The following MPDZ variants were observed in gnomAD, a reference collection of about 807,000 sequenced individuals.
The protein encoded by MPDZ is multiple PDZ domain crumbs cell polarity complex component, also known as multiple PDZ domain protein.
In MPDZ, 234 loss-of-function variants were observed where a neutral mutation model predicts 239.1. That is an observed-to-expected ratio of 0.98 (90% CI 0.88 to 1.09). MPDZ has a LOEUF of 1.09. MPDZ is among the 50% of genes least tolerant of loss of function. The probability of loss-of-function intolerance (pLI) is 0.00; values close to 1 mark genes in which losing one functional copy is unlikely to be tolerated. For missense variants in MPDZ, 3,175 were observed against 2,510.0 expected (o/e 1.26, Z -5.66); for synonymous variants, 1,048 against 881.3 (o/e 1.19, Z -3.35).
chr9:13,226,882 C>T (rs1020815551), intron 3 of MPDZ, among the ~76,000 whole-genome samples: 2 of 152,136 alleles, frequency 1.3e-5, no homozygotes, highest in Non-Finnish European at 2.9e-5. Flanking sequence ...AAGGATCTAA[C>T]TCTGATCCAA....
chr9:13,139,170 A>G (rs1200685255), intron 28 of MPDZ, among the ~76,000 whole-genome samples: 1 of 152,178 alleles, frequency 6.6e-6, no homozygotes, highest in Non-Finnish European at 1.5e-5. Flanking sequence ...TCAATTTCAT[A>G]AACTATTTCC....
Position 13,230,480 on chromosome 9 carries a change from T to C in MPDZ, c.184-5897A>G, listed in dbSNP as rs200176792. On this transcript the variant is annotated intron_variant, in intron 3 of 46. Transcript: ENST00000319217. ...AATATTAATATATGCAACTTCAAGA[T>C]ATCAAGGGCATTATGCTGCATGAAG... 4.6e-5 allele frequency among the ~76,000 whole-genome samples: 7 copies of C among 152,242 alleles called. No individual in the cohort carries two copies. The East Asian group carries it at 1.4e-3, about 29-fold the overall frequency.
Position 13,139,972 on chromosome 9 carries a change from A to C in MPDZ, c.4003+15T>G. 6.2e-7 allele frequency: 1 copy of C among 1,613,252 alleles called. No homozygotes were observed. The highest frequency in any genetic ancestry group is 8.5e-7 in the Non-Finnish European group (1 of 1,179,398). On this transcript the variant is annotated intron_variant, in intron 28 of 46. Coordinates refer to ENST00000319217, the MANE Select transcript of MPDZ (RefSeq NM_001378778.1). ...TACCTCTTACAATTAAATGCATCAC[A>C]AAAACACAACTTACTCCAGCTGTAA...
At chr9:13,116,706 A>G (rs1308195935) in intron 39 of MPDZ, among the ~76,000 whole-genome samples, 1 of 152,200 alleles carries the variant, frequency 6.6e-6, no homozygotes, top group Non-Finnish European at 1.5e-5. Flanking sequence ...TCAAATATCA[A>G]GGGTTTTGAT....
At chr9:13,184,476 T>C (rs371888501) in intron 18 of MPDZ, among the ~76,000 whole-genome samples, 1 of 151,958 alleles carries the variant, frequency 6.6e-6, no homozygotes, top group Non-Finnish European at 1.5e-5. Flanking sequence ...ATTATAACAT[T>C]ATATCAGGTC....
chr9:13,150,685 C>T lies in MPDZ; in HGVS notation c.3456G>A (p.Val1152=), dbSNP rs1949048516. The part of the protein sequence containing the change: ...AYSNWNQPRR[V]ELWREPSKSL... Reference sequence around the variant, plus strand: ...ATTTGCTTGGTTCTCTCCAGAGTTCCACCCTAAAAAATAAATAAAATTTTC... The same window carrying T: ...ATTTGCTTGGTTCTCTCCAGAGTTCTACCCTAAAAAATAAATAAAATTTTC... The change falls in exon 25 of 47, where the codon GTG becomes GTA. Residue 1152 remains valine (V), a synonymous_variant. Transcript: ENST00000319217. 2 of 1,345,262 alleles carry T rather than the reference C, an allele frequency of 1.5e-6. No individual in the cohort carries two copies. Among genetic ancestry groups the T allele is most frequent in the Non-Finnish European group, 1.9e-6 (2 of 1,039,686 alleles). 83.3% of individuals were successfully genotyped at this position (1,345,262 alleles called of 1,614,324 possible).
chr9:13,237,651 A>G (rs1189515276), intron 3 of MPDZ, among the ~76,000 whole-genome samples: 2 of 152,064 alleles, frequency 1.3e-5, no homozygotes, highest in African/African-American at 2.4e-5. Context: ...ACATTTTCTC[A>G]AAAATAAACA....
chr9:13,189,490 G>T (rs1410360423), intron 16 of MPDZ, among the ~76,000 whole-genome samples: 1 of 152,002 alleles, frequency 6.6e-6, no homozygotes, highest in Non-Finnish European at 1.5e-5. Context: ...CAGACACACA[G>T]CAACCTTAAT....
chr9:13,192,610 G>A (rs898802928), intron 14 of MPDZ, among the ~76,000 whole-genome samples: 1 of 151,622 alleles, frequency 6.6e-6, no homozygotes, highest in Non-Finnish European at 1.5e-5. Context: ...GAGAAGAATA[G>A]TATAAAACTT....
intron 10 of MPDZ, among the ~76,000 whole-genome samples, chr9:13,215,836 T>C (rs1958257202): frequency 1.5e-5 from 2 of 136,974 alleles, no homozygotes; most frequent in Non-Finnish European, 3.1e-5. Context: ...GGTGCAATCA[T>C]AGCTCACTAT....
chr9:13,181,866 A>C (rs1353593012), intron 19 of MPDZ, among the ~76,000 whole-genome samples: 1 of 152,130 alleles, frequency 6.6e-6, no homozygotes, highest in Non-Finnish European at 1.5e-5. Context: ...CAGGAGATGA[A>C]CTCAGCTTCC....
intron 10 of MPDZ, among the ~76,000 whole-genome samples, chr9:13,206,359 T>A (rs1956990527): frequency 1.3e-5 from 2 of 151,958 alleles, no homozygotes; most frequent in African/African-American, 4.8e-5. Context: ...GAGTCACTAG[T>A]TCTAGGGTAG....
intron 8 of MPDZ, 99 bp downstream of exon 8, chr9:13,219,460 T>C (rs956059049): frequency 5.9e-5 from 61 of 1,035,324 alleles, no homozygotes; most frequent in Non-Finnish European, 8.1e-5. Context: ...TTAGCACTAA[T>C]ATAGGAACAT....
intron 10 of MPDZ, among the ~76,000 whole-genome samples, chr9:13,216,187 A>G (rs1400622574): frequency 6.6e-6 from 1 of 151,404 alleles, no homozygotes; most frequent in Non-Finnish European, 1.5e-5. Flanking sequence ...TCAACTGAAC[A>G]CTGAAATTAA....
chr9:13,211,135 A>C (rs1160226828), intron 10 of MPDZ, among the ~76,000 whole-genome samples: 1 of 152,100 alleles, frequency 6.6e-6, no homozygotes, highest in African/African-American at 2.4e-5. Context: ...ACTATTATTT[A>C]GTATGGGAAA....
chr9:13,238,926 G>A (rs891807984), intron 3 of MPDZ, among the ~76,000 whole-genome samples: 1 of 151,972 alleles, frequency 6.6e-6, no homozygotes, highest in African/African-American at 2.4e-5. Flanking sequence ...TTACTACTGT[G>A]ATTTTTAAAT....
At chr9:13,251,128 CAAAA>C (rs150252589) in intron 1 of MPDZ, among the ~76,000 whole-genome samples, 126 of 36,426 alleles carry the variant, frequency 3.5e-3, no homozygotes, top group Admixed American at 6.4e-3. Flanking sequence ...GACTCCATCT[CAAAA>C]AAAAAAAAAA....
At chr9:13,188,465 C>A (rs1954439844) in intron 17 of MPDZ, among the ~76,000 whole-genome samples, 3 of 151,990 alleles carry the variant, frequency 2.0e-5, no homozygotes, top group Admixed American at 2.0e-4. Flanking sequence ...CTGCAATGAA[C>A]CGAGATTTCG....
In MPDZ at chr9:13,121,882, G is replaced by C. The variant is rs756321949; in HGVS notation, c.5088C>G (p.Val1696=). The C allele has an allele frequency of 3.7e-6, 6 of 1,613,806 alleles. No homozygotes were observed. The highest frequency in any genetic ancestry group is 5.1e-6 in the Non-Finnish European group (6 of 1,179,844). ...GCACTCTCTGTGGCGTCTGTCTCAG[G>C]ACATTGATTGCTTCATCATGTGTGG... ...RKATHDEAIN[V]LRQTPQRVRL... Residue 1696 remains valine, a synonymous_variant, in exon 38 of 47, where the codon GTC becomes GTG. Coordinates refer to ENST00000319217, the MANE Select transcript of MPDZ (RefSeq NM_001378778.1).
Sources: gnomAD v4.1 joint callset for allele counts (sites outside exome capture counted in the v4.1 genomes callset) on GRCh38, gnomAD v4.1.1 for gene constraint, MANE v1.5 for transcripts, NCBI Gene and HGNC (gene_info 2026-07-23, HGNC 2026-07-21) for gene names.